The following ZNF700 variants were observed in gnomAD, a reference collection of about 807,000 sequenced individuals.
The protein encoded by ZNF700 is zinc finger protein 700.
ZNF700 carries 38 observed loss-of-function variants against 65.3 expected under a neutral mutation model. That is an observed-to-expected ratio of 0.58 (90% confidence interval 0.45 to 0.76). ZNF700 has a LOEUF of 0.76. ZNF700 is among the 30% of genes least tolerant of loss of function. The pLI, the probability that ZNF700 is intolerant of heterozygous loss-of-function variation, is 0.00. For synonymous variants in ZNF700, 285 were observed against 290.4 expected, an observed-to-expected ratio of 0.98 and a Z score of 0.19; for missense variants, 857 against 888.4, an observed-to-expected ratio of 0.96 and a Z score of 0.45.
chr19:11,935,067 C>T (rs2145281096), intron 1 of ZNF700, among the ~76,000 whole-genome samples: 1 of 143,394 alleles, frequency 7.0e-6, no homozygotes, highest in South Asian at 2.2e-4. Context: ...GTCCCAGCTA[C>T]TGGGAGGCTG....
rs1391799080 is a variant in ZNF700, at chr19:11,950,681, AAAC to A, written c.*431_*433del. ...TTCTTTGAATACAGATAATTAATGT[AAAC>A]AATTATCATAAGTATACTAACATGT... is the stretch of plus-strand genomic sequence containing the variant. On this transcript the variant is annotated 3_prime_UTR_variant, in exon 4 of 4. Transcript: ENST00000254321. The A allele has an allele frequency of 3.7e-6, 1 of 272,190 alleles. No homozygotes were observed. The highest frequency in any genetic ancestry group is 2.3e-5 in the African/African-American group (1 of 43,950). The allele number at this position is 272,190 out of a possible 1,614,324, so 16.9% of individuals were successfully genotyped here. A position where few individuals can be genotyped will look rare whatever the true frequency, so the allele number is the denominator to read the frequency against.
At chr19:11,942,387 G>A (rs1165659112) in intron 1 of ZNF700, among the ~76,000 whole-genome samples, 2 of 151,986 alleles carry the variant, frequency 1.3e-5, no homozygotes, top group African/African-American at 4.8e-5. Flanking sequence ...ACTCCGTTAT[G>A]ACAGGTGCTA....
chr19:11,929,035 A>G (rs1972676908), intron 1 of ZNF700, among the ~76,000 whole-genome samples: 1 of 148,668 alleles, frequency 6.7e-6, no homozygotes, highest in African/African-American at 2.6e-5. Context: ...AAGAAGGCGA[A>G]TCTGTAATCA....
At position 11,925,124 on chromosome 19, in the gene ZNF700, C is replaced by G. The variant is rs1470135940; in HGVS notation, c.-87C>G. The G allele has an allele frequency of 5.9e-6, 9 of 1,525,584 alleles. No homozygotes were observed. Among genetic ancestry groups the G allele is most frequent in the Admixed American group, 5.5e-5 (3 of 54,974 alleles). 94.5% of individuals were successfully genotyped at this position (1,525,584 alleles called of 1,614,324 possible). On this transcript the variant is annotated 5_prime_UTR_variant, in exon 1 of 4. Transcript: ENST00000254321. Reference sequence around the variant, plus strand: ...GTCGCTTTCCTCACCTTCCTCGCTGCGCGGGCGGCGGTTGGTAACCGGTCA... The same window carrying G: ...GTCGCTTTCCTCACCTTCCTCGCTGGGCGGGCGGCGGTTGGTAACCGGTCA...
rs779691763 is a variant in ZNF700 at position 11,930,738 on chromosome 19, C to T, written c.63+5465C>T. On this transcript the variant is annotated intron_variant, in intron 1 of 3. Transcript: ENST00000254321. ...TGCCCAGACTGGGTGTGGTGGCTCACGCCTGTAATACCAGCACTTTGGGAG... is the reference window on the plus strand; with the variant it reads ...TGCCCAGACTGGGTGTGGTGGCTCATGCCTGTAATACCAGCACTTTGGGAG... Among the ~76,000 whole-genome samples the T allele has an allele frequency of 8.8e-5, 13 of 148,080 alleles. 1 individual carries two copies. The highest frequency in any genetic ancestry group is 1.9e-4 in the East Asian group (1 of 5,166).
Position 11,949,534 on chromosome 19 carries a change from G to A in ZNF700, c.1510G>A (p.Gly504Arg), listed in dbSNP as rs1486850912. The change falls in exon 4 of 4, where the codon GGA (glycine) becomes AGA (arginine). Residue 504 changes from glycine (G) to arginine (R), a missense_variant. Physicochemically the swap from Gly to Arg is moderately radical, Grantham distance 125. This residue lies in a region of ZNF700 where 603 missense variants were observed against 619.9 expected (regional missense o/e 0.97). Transcript: ENST00000254321. ...AGAAAAACACATAAGAATGCCCTCT[G>A]GAGAAAGACCTTATAAATGTAGTAT... ...RTEKHIRMPS[G>R]ERPYKCSICE... 2.2e-5 allele frequency: 35 copies of A among 1,610,928 alleles called. No homozygotes were observed. Among genetic ancestry groups the A allele is most frequent in the Non-Finnish European group, 2.9e-5 (34 of 1,179,436 alleles).
intron 1 of ZNF700, among the ~76,000 whole-genome samples, chr19:11,933,468 T>C (rs149750533): frequency 4.7e-5 from 7 of 148,042 alleles, no homozygotes; most frequent in African/African-American, 1.1e-4. Flanking sequence ...CACAGTCTTA[T>C]ACAGAAGCGT....
intron 1 of ZNF700, among the ~76,000 whole-genome samples, chr19:11,929,783 G>C (rs1411051267): frequency 6.8e-6 from 1 of 147,984 alleles, no homozygotes; most frequent in African/African-American, 2.7e-5. Flanking sequence ...TCAAGGGCTT[G>C]CAGTGAAATC....
intron 1 of ZNF700, among the ~76,000 whole-genome samples, chr19:11,941,485 G>C (rs959678333): frequency 3.3e-5 from 5 of 152,178 alleles, no homozygotes; most frequent in African/African-American, 7.2e-5. Flanking sequence ...GCGCAGCACC[G>C]GTGGGCTGGC....
In ZNF700 at chr19:11,949,485, G is replaced by A. The variant is rs148768214; in HGVS notation, c.1461G>A (p.Lys487=). The A allele has an allele frequency of 4.6e-4, 746 of 1,604,758 alleles. 6 individuals are homozygous for A. In the African/African-American group the frequency reaches 9.0e-3, roughly 19 times the overall value. ...KECGKAFRYV[K]HLQIHERTEK... is the part of the protein sequence containing the mutation. ...GTGGGAAAGCCTTCAGATATGTGAA[G>A]CACCTTCAAATTCATGAAAGGACAG... is the stretch of plus-strand genomic sequence containing the variant. Residue 487 remains lysine (K), a synonymous_variant, in exon 4 of 4, where the codon AAG becomes AAA. Transcript: ENST00000254321.
At chr19:11,933,110 T>C (rs1356350267) in intron 1 of ZNF700, among the ~76,000 whole-genome samples, 1 of 147,986 alleles carries the variant, frequency 6.8e-6, no homozygotes, top group Admixed American at 6.6e-5. Context: ...AAGCTCATAG[T>C]TCCCCCTATT....
chr19:11,949,022 C>T lies in ZNF700; in HGVS notation c.998C>T (p.Pro333Leu), dbSNP rs145954112. The T allele has an allele frequency of 1.6e-5, 26 of 1,606,002 alleles. No individual in the cohort carries two copies. Among genetic ancestry groups the T allele is most frequent in the African/African-American group, 8.1e-5 (6 of 74,168 alleles). The part of the protein sequence containing the change: ...RHERTHSGKK[P>L]YECKQYGEGL... ...GAAAGGACCCACTCTGGGAAAAAAC[C>T]GTATGAATGTAAGCAATATGGGGAA... Residue 333 changes from proline (P) to leucine (L), a missense_variant, in exon 4 of 4, where the codon CCG becomes CTG. Pro to Leu is a moderately conservative substitution (Grantham distance 98). This residue lies in a region of ZNF700 where 603 missense variants were observed against 619.9 expected (regional missense o/e 0.97). Coordinates refer to ENST00000254321, the MANE Select transcript of ZNF700 (RefSeq NM_144566.3).
chr19:11,940,159 A>G (rs904157808), intron 1 of ZNF700: 4 of 151,940 alleles, frequency 2.6e-5, no homozygotes, highest in African/African-American at 4.8e-5. Context: ...TCCAACTCCA[A>G]CCTCAGGTGA....
chr19:11,949,172 C>T lies in ZNF700; in HGVS notation c.1148C>T (p.Thr383Ile), dbSNP rs764214272. 23 of 1,612,276 alleles carry T rather than the reference C, an allele frequency of 1.4e-5. No homozygotes were observed. The highest frequency in any genetic ancestry group is 1.9e-5 in the Non-Finnish European group (23 of 1,179,648). The change falls in exon 4 of 4, where the codon ACT becomes ATT. Residue 383 changes from threonine (T) to isoleucine (I), a missense_variant. Thr to Ile is a moderately conservative substitution (Grantham distance 89). Around this residue, in one of 3 missense-constraint regions of ZNF700, gnomAD observed 603 missense variants for 619.9 expected, o/e 0.97. Transcript: ENST00000254321. ...SAKSFQTHEK[T>I]HTGEKRYKCK... The stretch of plus-strand genomic sequence containing the variant: ...AAGTCATTTCAAACACATGAAAAAA[C>T]TCACACTGGAGAGAAACGCTATAAA...
At position 11,931,029 on chromosome 19, in the gene ZNF700, C is replaced by T. The variant is rs572271469; in HGVS notation, c.63+5756C>T. Among the ~76,000 whole-genome samples the T allele has an allele frequency of 2.0e-5, 3 of 147,394 alleles. 1 individual carries two copies. Among genetic ancestry groups the T allele is most frequent in the South Asian group, 4.2e-4 (2 of 4,768 alleles). On this transcript the variant is annotated intron_variant, in intron 1 of 3. Coordinates refer to ENST00000254321, the MANE Select transcript of ZNF700 (RefSeq NM_144566.3). ...AAAAAAAAAACAACATAGATGCCCT[C>T]GTTTCACAATTTGCTGTTTTCCATT...
chr19:11,950,070 G>C lies in ZNF700; in HGVS notation c.2046G>C (p.Gly682=), dbSNP rs749349347. The C allele has an allele frequency of 2.5e-6, 4 of 1,614,208 alleles. No homozygotes were observed. The East Asian group carries it at 8.9e-5, about 36-fold the overall frequency. Residue 682 remains glycine (G), a synonymous_variant, in exon 4 of 4, where the codon GGG becomes GGC. Coordinates refer to ENST00000254321, the MANE Select transcript of ZNF700 (RefSeq NM_144566.3). ...AGCCCTATGAATGTAAGCATTGTGG[G>C]AATGGATTCACATCTGCCAAGATTC... ...GEKPYECKHC[G]NGFTSAKILQ... is the part of the protein sequence containing the mutation.
Position 11,950,153 on chromosome 19 carries a change from G to A in ZNF700, c.2129G>A (p.Gly710Glu), listed in dbSNP as rs1160081313. 6.2e-7 allele frequency: 1 copy of A among 1,613,884 alleles called. No homozygotes were observed. The highest frequency in any genetic ancestry group is 1.7e-5 in the Admixed American group (1 of 59,934). ...GEKHYECKEC[G>E]KAFNYFSSLH... ...AAACACTATGAATGTAAGGAATGCG[G>A]AAAAGCATTCAATTATTTTTCTTCC... is the stretch of plus-strand genomic sequence containing the variant. Residue 710 changes from glycine to glutamate, a missense_variant, in exon 4 of 4, where the codon GGA (glycine) becomes GAA (glutamate). Coordinates refer to ENST00000254321, the MANE Select transcript of ZNF700 (RefSeq NM_144566.3).
intron 2 of ZNF700, 102 bp from the exon 3 acceptor site, chr19:11,947,412 A>C: frequency 1.2e-6 from 2 of 1,602,568 alleles, no homozygotes; most frequent in Non-Finnish European, 1.7e-6. Flanking sequence ...TACCTTGATG[A>C]ATAAATGAGG....
Position 11,948,395 on chromosome 19 carries a change from A to C in ZNF700, c.371A>C (p.Lys124Thr), listed in dbSNP as rs750727500. ...FQEKKASPEVKSCDSFVCAEV... is the reference protein window; with the variant it reads ...FQEKKASPEVTSCDSFVCAEV... ...GAGAAGAAAGCTTCTCCTGAAGTAA[A>C]ATCATGTGACAGCTTTGTGTGTGCA... Residue 124 changes from lysine (K) to threonine (T), a missense_variant, in exon 4 of 4, where the codon AAA (lysine) becomes ACA (threonine). Coordinates refer to ENST00000254321, the MANE Select transcript of ZNF700 (RefSeq NM_144566.3). The C allele has an allele frequency of 6.2e-7, 1 of 1,614,090 alleles. No individual in the cohort carries two copies. The highest frequency in any genetic ancestry group is 1.1e-5 in the South Asian group (1 of 91,086).
Sources: gnomAD v4.1 joint callset for allele counts (sites outside exome capture counted in the v4.1 genomes callset) on GRCh38, gnomAD v4.1.1 for gene constraint, gnomAD v4.1.1 regional missense constraint, MANE v1.5 for transcripts, NCBI Gene and HGNC (gene_info 2026-07-23, HGNC 2026-07-21) for gene names.